KDM4C: variants seen among roughly 807,000 people sequenced by gnomAD.
KDM4C encodes the protein lysine demethylase 4C, also known as lysine-specific demethylase 4C.
KDM4C carries 81 observed loss-of-function variants against 129.3 expected under a neutral mutation model. The ratio of observed to expected loss-of-function variants is 0.63; its 90% CI spans 0.52 to 0.75. The LOEUF (loss-of-function observed/expected upper bound fraction) is 0.75. KDM4C is among the 30% of genes least tolerant of loss of function. KDM4C has a pLI of 0.00. For missense variants in KDM4C, 1,457 were observed against 1,304.0 expected, an observed-to-expected ratio of 1.12 and a Z score of -1.81; for synonymous variants, 573 against 456.1, an observed-to-expected ratio of 1.26 and a Z score of -3.26.
chr9:7,119,173 T>C lies in KDM4C; in HGVS notation c.2611-8893T>C, dbSNP rs576210114. On this transcript the variant is annotated intron_variant, in intron 18 of 21. Transcript: ENST00000381309. ...TTAACCCTTTATAAGGTGCCTTCAT[T>C]GAGTTTCATTTCATTACTGTGTCTT... Among the ~76,000 whole-genome samples, 25 of 152,266 alleles carry C rather than the reference T, an allele frequency of 1.6e-4. 1 individual carries two copies. In the South Asian group the frequency reaches 5.2e-3, roughly 32 times the overall value.
Position 6,792,901 on chromosome 9 carries a change from A to G in KDM4C, c.-17-71A>G, listed in dbSNP as rs988308596. The stretch of plus-strand genomic sequence containing the variant: ...AAGGGTTCCTGCTGGGGGAGCTGAC[A>G]TACTATTTGTTAAAAATGACCTAAA... On this transcript the variant is annotated intron_variant, in intron 1 of 21. Coordinates refer to ENST00000381309, the MANE Select transcript of KDM4C (RefSeq NM_015061.6). 5.5e-6 allele frequency: 8 copies of G among 1,465,024 alleles called. No individual in the cohort carries two copies. In the African/African-American group the frequency reaches 1.1e-4, roughly 20 times the overall value. 90.8% of individuals were successfully genotyped at this position (1,465,024 alleles called of 1,614,324 possible).
At chr9:7,015,774 A>G (rs1325674656) in intron 14 of KDM4C, 79 bp from the exon 15 acceptor site, 7 of 958,650 alleles carry the variant, frequency 7.3e-6, no homozygotes, top group Non-Finnish European at 1.2e-5. Flanking sequence ...TCCCATTTTT[A>G]TTTATTTCAG....
At chr9:7,123,255 A>T (rs995167549) in intron 18 of KDM4C, among the ~76,000 whole-genome samples, 1 of 152,204 alleles carries the variant, frequency 6.6e-6, no homozygotes, top group African/African-American at 2.4e-5. Flanking sequence ...CCTCTTCCTT[A>T]TAAAGCCTGC....
chr9:6,955,358 A>G (rs1246432102), intron 8 of KDM4C, among the ~76,000 whole-genome samples: 1 of 152,160 alleles, frequency 6.6e-6, no homozygotes, highest in Non-Finnish European at 1.5e-5. Flanking sequence ...TTGAATAGAG[A>G]CAAAGCTGTT....
intron 1 of KDM4C, among the ~76,000 whole-genome samples, chr9:6,743,761 C>A (rs192734902): frequency 6.6e-6 from 1 of 152,220 alleles, no homozygotes; most frequent in East Asian, 1.9e-4. Flanking sequence ...CCTGCCTTGG[C>A]CTCCCAAAGT....
intron 19 of KDM4C, among the ~76,000 whole-genome samples, chr9:7,156,965 T>C (rs1843243627): frequency 6.6e-6 from 1 of 152,252 alleles, no homozygotes; most frequent in South Asian, 2.1e-4. Context: ...TTGCACAATA[T>C]TGATTCTTCC....
intron 17 of KDM4C, among the ~76,000 whole-genome samples, chr9:7,054,008 C>G (rs139561365): frequency 6.6e-6 from 1 of 152,306 alleles, no homozygotes; most frequent in Non-Finnish European, 1.5e-5. Context: ...ATTTTTATTA[C>G]CTGTCCATTA....
chr9:6,835,638 CAAGAT>C (rs1835744781), intron 4 of KDM4C: 1 of 792,974 alleles, frequency 1.3e-6, no homozygotes, highest in South Asian at 1.4e-5. Context: ...GTGCAGAAAA[CAAGAT>C]GAGATTGGCA....
upstream of KDM4C, chr9:6,757,545 G>C: frequency 1.2e-6 from 1 of 822,690 alleles, no homozygotes; most frequent in Non-Finnish European, 1.5e-6. Context: ...TGTCATCGCC[G>C]GAGAGCTGCG....
intron 17 of KDM4C, among the ~76,000 whole-genome samples, chr9:7,093,152 A>C (rs1835999716): frequency 6.6e-6 from 1 of 152,100 alleles, no homozygotes; most frequent in Admixed American, 6.5e-5. Context: ...CATGAAGAAA[A>C]TGTGCATGTT....
At chr9:6,950,600 T>C (rs1370535803) in intron 8 of KDM4C, among the ~76,000 whole-genome samples, 1 of 152,230 alleles carries the variant, frequency 6.6e-6, no homozygotes, top group African/African-American at 2.4e-5. Flanking sequence ...CTGGTTTAAG[T>C]GAGATTATCT....
intron 15 of KDM4C, among the ~76,000 whole-genome samples, chr9:7,022,287 A>T (rs149150871): frequency 0.013 from 1,963 of 152,294 alleles, 133 homozygotes; most frequent in Admixed American, 0.11. Context: ...GTTCATGAAC[A>T]TGGATTATCT....
chr9:6,736,719 A>T lies in KDM4C; in HGVS notation c.49+15722A>T, dbSNP rs560497205. 1.5e-4 allele frequency among the ~76,000 whole-genome samples: 23 copies of T among 152,306 alleles called. No homozygotes were observed. The South Asian group carries it at 3.1e-3, about 21-fold the overall frequency. ...CCCAAAGCTCCTAGATCTGAAAAAG[A>T]ACTTCAGCAAAGTTTTAGGATACAA... On this transcript the variant is annotated intron_variant, in intron 1 of 17. Transcript: ENST00000536108.
intron 18 of KDM4C, among the ~76,000 whole-genome samples, chr9:7,120,157 T>C (rs1477382398): frequency 8.5e-6 from 1 of 117,448 alleles, no homozygotes; most frequent in African/African-American, 3.3e-5. Flanking sequence ...CAAGGAATGA[T>C]GATTTTTTTT....
intron 1 of KDM4C, among the ~76,000 whole-genome samples, chr9:6,749,812 C>A (rs1818009840): frequency 6.7e-6 from 1 of 150,254 alleles, no homozygotes; most frequent in Middle Eastern, 3.6e-3. Context: ...CATGGTGAAA[C>A]CCTGTCTGTA....
chr9:7,160,290 T>G (rs1564193291), intron 19 of KDM4C, among the ~76,000 whole-genome samples: 1 of 152,200 alleles, frequency 6.6e-6, no homozygotes, highest in African/African-American at 2.4e-5. Context: ...CCTCTTTAGC[T>G]TGGAGAAGTT....
chr9:6,850,528 C>G (rs560661556), intron 5 of KDM4C, among the ~76,000 whole-genome samples: 11 of 152,166 alleles, frequency 7.2e-5, no homozygotes, highest in African/African-American at 4.8e-5. Flanking sequence ...TCACTGCAAC[C>G]TCCGCTTCCT....
At chr9:6,799,437 C>T (rs1024156077) in intron 2 of KDM4C, among the ~76,000 whole-genome samples, 6 of 152,088 alleles carry the variant, frequency 3.9e-5, no homozygotes, top group East Asian at 3.9e-4. Flanking sequence ...TGGCGGCGCG[C>T]GTCTGCAATC....
chr9:6,806,505 A>G (rs1829992963), intron 3 of KDM4C, among the ~76,000 whole-genome samples: 1 of 145,616 alleles, frequency 6.9e-6, no homozygotes, highest in Admixed American at 6.7e-5. Context: ...GAAAAAATAA[A>G]TAAATAAATA....
Sources: allele counts gnomAD v4.1 joint callset (sites outside exome capture counted in the v4.1 genomes callset), GRCh38; gene constraint gnomAD v4.1.1; transcripts MANE v1.5; gene names NCBI Gene and HGNC (gene_info 2026-07-23, HGNC 2026-07-21).